GRIK2: variants seen among roughly 807,000 people sequenced by gnomAD.
The protein encoded by GRIK2 is glutamate receptor ionotropic, kainate 2.
In GRIK2, 32 loss-of-function variants were observed where a neutral mutation model predicts 100.3. The ratio of observed to expected loss-of-function variants is 0.32; its 90% CI spans 0.24 to 0.43. The LOEUF is 0.43. GRIK2 is among the 20% of genes least tolerant of loss of function. The pLI is 1.00. For synonymous variants in GRIK2, 417 were observed against 389.4 expected (o/e 1.07, Z -0.83); for missense variants, 843 against 1,114.9 (o/e 0.76, Z 3.47).
At chr6:101,718,635 T>C (rs1774232763) in intron 7 of GRIK2, among the ~76,000 whole-genome samples, 3 of 151,930 alleles carry the variant, frequency 2.0e-5, no homozygotes, top group Admixed American at 2.0e-4. Context: ...GTGAAAAATC[T>C]TCGAGAGATC....
intron 14 of GRIK2, among the ~76,000 whole-genome samples, chr6:101,982,845 AG>A (rs1562087010): frequency 6.6e-6 from 1 of 151,714 alleles, no homozygotes; most frequent in Non-Finnish European, 1.5e-5. Context: ...GCAGCATGTA[AG>A]AACTTAGAGA....
chr6:101,923,555 A>G (rs1411607899), intron 12 of GRIK2, among the ~76,000 whole-genome samples: 1 of 152,198 alleles, frequency 6.6e-6, no homozygotes, highest in African/African-American at 2.4e-5. Flanking sequence ...ATAGTGGTTC[A>G]GATAAGTTAT....
intron 7 of GRIK2, among the ~76,000 whole-genome samples, chr6:101,785,867 A>G (rs1779390702): frequency 6.6e-6 from 1 of 151,694 alleles, no homozygotes; most frequent in Admixed American, 6.6e-5. Context: ...GAATGTCATG[A>G]TATATTGGTG....
rs140870140 is a variant in GRIK2, at chr6:101,983,949, G to A, written c.2086-51392G>A. ...TGGAAATATGTTTGCTTATAGCAAG[G>A]TAGGAAAATAGATTGCTTATAGCAT... is the stretch of plus-strand genomic sequence containing the variant. On this transcript the variant is annotated intron_variant, in intron 14 of 16. Transcript: ENST00000369134. 4.8e-3 allele frequency among the ~76,000 whole-genome samples: 727 copies of A among 151,674 alleles called. 5 individuals carry two copies. The highest frequency in any genetic ancestry group is 0.016 in the African/African-American group (643 of 41,444).
intron 2 of GRIK2, among the ~76,000 whole-genome samples, chr6:101,587,566 T>C (rs1396100364): frequency 2.0e-5 from 3 of 152,128 alleles, no homozygotes; most frequent in African/African-American, 7.2e-5. Context: ...TAATAAAATA[T>C]ATGAATTTTC....
At chr6:101,823,876 GT>G (rs796241778) in intron 10 of GRIK2, among the ~76,000 whole-genome samples, 2,944 of 116,896 alleles carry the variant, frequency 0.025, 30 homozygotes, top group African/African-American at 0.043. Context: ...TTTTTTTTTT[GT>G]TTTTTTTTTT....
chr6:101,414,896 A>G (rs943032934), intron 2 of GRIK2, among the ~76,000 whole-genome samples: 3 of 152,070 alleles, frequency 2.0e-5, no homozygotes, highest in African/African-American at 7.2e-5. Flanking sequence ...TGCCACAAGC[A>G]TCTGACTAAA....
intron 10 of GRIK2, among the ~76,000 whole-genome samples, chr6:101,823,876 G>C (rs74381993): frequency 8.6e-6 from 1 of 116,920 alleles, no homozygotes; most frequent in Non-Finnish European, 1.8e-5. Flanking sequence ...TTTTTTTTTT[G>C]TTTTTTTTTT....
At chr6:101,784,371 A>G (rs1170294728) in intron 7 of GRIK2, among the ~76,000 whole-genome samples, 1 of 152,210 alleles carries the variant, frequency 6.6e-6, no homozygotes, top group Non-Finnish European at 1.5e-5. Flanking sequence ...TGTATCTTGG[A>G]AGTAACTAAC....
chr6:101,686,400 T>C (rs769599802), intron 7 of GRIK2, 47 bp downstream of exon 7: 47 of 1,413,068 alleles, frequency 3.3e-5, no homozygotes, highest in Admixed American at 2.1e-4. Context: ...CTAAATAGTA[T>C]TGCATACATA....
At chr6:101,762,182 C>CTCTT (rs1340848941) in intron 7 of GRIK2, among the ~76,000 whole-genome samples, 3 of 149,282 alleles carry the variant, frequency 2.0e-5, no homozygotes, top group African/African-American at 7.4e-5. Flanking sequence ...CTCTCTCTCT[C>CTCTT]TCTTCTTTCT....
intron 1 of GRIK2, among the ~76,000 whole-genome samples, chr6:101,394,696 A>G (rs79735869): frequency 0.032 from 4,921 of 152,326 alleles, 89 homozygotes; most frequent in Non-Finnish European, 0.045. Context: ...TTAGTTACTG[A>G]AATAAATGCA....
At chr6:101,942,030 A>C (rs1448493197) in intron 14 of GRIK2, among the ~76,000 whole-genome samples, 1 of 152,148 alleles carries the variant, frequency 6.6e-6, no homozygotes, top group Non-Finnish European at 1.5e-5. Context: ...TATTAATTTC[A>C]GCTAGAAATA....
chr6:101,659,423 A>G (rs759503460), intron 4 of GRIK2, among the ~76,000 whole-genome samples: 16 of 152,108 alleles, frequency 1.1e-4, no homozygotes, highest in Non-Finnish European at 2.4e-4. Context: ...GCCTTTTAGT[A>G]TAGTTTGAAG....
chr6:101,772,961 G>T (rs1038303689), intron 7 of GRIK2, among the ~76,000 whole-genome samples: 2 of 151,872 alleles, frequency 1.3e-5, no homozygotes, highest in Non-Finnish European at 2.9e-5. Flanking sequence ...AATTGTATTT[G>T]TTGTCAGTAA....
intron 12 of GRIK2, among the ~76,000 whole-genome samples, chr6:101,895,324 G>C (rs1441300930): frequency 6.6e-6 from 1 of 151,636 alleles, no homozygotes; most frequent in East Asian, 1.9e-4. Flanking sequence ...ATATTAGTGG[G>C]TTAGGCAGCA....
chr6:101,722,658 G>A (rs572518713), intron 7 of GRIK2, among the ~76,000 whole-genome samples: 1 of 152,058 alleles, frequency 6.6e-6, no homozygotes, highest in African/African-American at 2.4e-5. Context: ...AAGAGGGATG[G>A]ATGCCAACTG....
rs897178043 is a variant in GRIK2, at chr6:101,735,269, T to C, written c.951+48916T>C. The stretch of plus-strand genomic sequence containing the variant: ...GAAAAGGCACCCAGTATTTGATGGA[T>C]AGAGGAAGGGAAGCCCTGGAGGTAC... On this transcript the variant is annotated intron_variant, in intron 7 of 16. Coordinates refer to ENST00000369134, the MANE Select transcript of GRIK2 (RefSeq NM_021956.5). Among the ~76,000 whole-genome samples, 10 of 152,224 alleles carry C rather than the reference T, an allele frequency of 6.6e-5. 2 individuals are homozygous for C. The South Asian group carries it at 1.7e-3, about 25-fold the overall frequency.
At chr6:101,820,766 C>A (rs1316097099) in intron 10 of GRIK2, among the ~76,000 whole-genome samples, 1 of 152,084 alleles carries the variant, frequency 6.6e-6, no homozygotes, top group African/African-American at 2.4e-5. Context: ...TTATGTTCTG[C>A]AGTAAAAATC....
Sources: gnomAD v4.1 joint callset for allele counts (sites outside exome capture counted in the v4.1 genomes callset) on GRCh38, gnomAD v4.1.1 for gene constraint, MANE v1.5 for transcripts, NCBI Gene and HGNC (gene_info 2026-07-23, HGNC 2026-07-21) for gene names.